LMX1A: variants seen among roughly 807,000 people sequenced by gnomAD.
LMX1A encodes the protein LIM homeobox transcription factor 1-alpha.
A neutral mutation model predicts 49.1 loss-of-function variants in LMX1A; 15 were observed. The observed-to-expected ratio is 0.31, with a 90% CI of 0.20 to 0.47. The LOEUF (loss-of-function observed/expected upper bound fraction) is 0.47, where lower values mean the gene tolerates loss of function less well. Ranked by LOEUF, LMX1A falls within the 20% of genes least tolerant of loss-of-function variation. The pLI, the probability that LMX1A is intolerant of heterozygous loss-of-function variation, is 1.00. For missense variants in LMX1A, 372 were observed against 475.8 expected (o/e 0.78, Z 2.03); for synonymous variants, 167 against 185.7 (o/e 0.90, Z 0.82).
At chr1:165,246,336 G>C (rs184253422) in intron 4 of LMX1A, among the ~76,000 whole-genome samples, 48 of 152,272 alleles carry the variant, frequency 3.2e-4, no homozygotes, top group Non-Finnish European at 8.8e-5. Context: ...TTGATGAAAT[G>C]AGTAGTTCAG....
At chr1:165,286,554 T>C (rs1253447966) in intron 3 of LMX1A, among the ~76,000 whole-genome samples, 2 of 152,114 alleles carry the variant, frequency 1.3e-5, no homozygotes. Flanking sequence ...TTCCCCTGAT[T>C]TGGTAAAAAT....
chr1:165,236,072 C>T (rs181840333), intron 4 of LMX1A, among the ~76,000 whole-genome samples: 106 of 152,320 alleles, frequency 7.0e-4, no homozygotes, highest in Non-Finnish European at 1.4e-3. Context: ...CGCCCCCAGC[C>T]TGAGCGCTGA....
At chr1:165,219,381 A>T (rs935811412) in intron 4 of LMX1A, among the ~76,000 whole-genome samples, 1 of 152,168 alleles carries the variant, frequency 6.6e-6, no homozygotes, top group Non-Finnish European at 1.5e-5. Flanking sequence ...TTCCCCAGAG[A>T]TGAGCCTCAT....
chr1:165,252,647 G>A (rs947695898), intron 3 of LMX1A, among the ~76,000 whole-genome samples: 5 of 152,124 alleles, frequency 3.3e-5, no homozygotes, highest in Admixed American at 6.5e-5. Context: ...CAGTAGATAC[G>A]GAAAGGTCAG....
At chr1:165,276,213 T>A (rs1557871004) in intron 3 of LMX1A, among the ~76,000 whole-genome samples, 1 of 152,150 alleles carries the variant, frequency 6.6e-6, no homozygotes, top group Non-Finnish European at 1.5e-5. Context: ...TGGCAAAGCT[T>A]CTCTACCTTT....
At chr1:165,234,861 T>G (rs1259451499) in intron 4 of LMX1A, among the ~76,000 whole-genome samples, 3 of 152,230 alleles carry the variant, frequency 2.0e-5, no homozygotes, top group Admixed American at 6.5e-5. Flanking sequence ...TTTCATGGTA[T>G]AGAGAGTAGG....
chr1:165,230,959 C>T (rs954204568), intron 4 of LMX1A, among the ~76,000 whole-genome samples: 2 of 152,224 alleles, frequency 1.3e-5, no homozygotes, highest in Non-Finnish European at 2.9e-5. Flanking sequence ...TCATTAACTC[C>T]ATGCACTCAA....
chr1:165,294,083 T>C (rs1042244421), intron 3 of LMX1A, among the ~76,000 whole-genome samples: 1 of 152,178 alleles, frequency 6.6e-6, no homozygotes, highest in Non-Finnish European at 1.5e-5. Flanking sequence ...CTTACACACC[T>C]TGTGCAAGGT....
chr1:165,241,814 C>G (rs1652666357), intron 4 of LMX1A, among the ~76,000 whole-genome samples: 1 of 152,040 alleles, frequency 6.6e-6, no homozygotes, highest in Non-Finnish European at 1.5e-5. Context: ...TTGAAAAAAA[C>G]AGTTCCAAGG....
At chr1:165,205,008 T>C (rs995706855) in intron 8 of LMX1A, among the ~76,000 whole-genome samples, 2 of 151,890 alleles carry the variant, frequency 1.3e-5, no homozygotes, top group African/African-American at 4.8e-5. Context: ...TTTTTTTTCA[T>C]GAAGGCAAAA....
intron 5 of LMX1A, among the ~76,000 whole-genome samples, chr1:165,211,761 C>T (rs1651407656): frequency 6.6e-6 from 1 of 152,178 alleles, no homozygotes; most frequent in African/African-American, 2.4e-5. Context: ...CTATCCATTC[C>T]TCAGAGGCCC....
chr1:165,252,526 T>A (rs1194393593), intron 3 of LMX1A, among the ~76,000 whole-genome samples: 1 of 152,258 alleles, frequency 6.6e-6, no homozygotes, highest in Non-Finnish European at 1.5e-5. Flanking sequence ...ACTATAGCAT[T>A]CATTTTACTA....
At chr1:165,243,176 T>C (rs1219633748) in intron 4 of LMX1A, among the ~76,000 whole-genome samples, 1 of 152,246 alleles carries the variant, frequency 6.6e-6, no homozygotes, top group Non-Finnish European at 1.5e-5. Flanking sequence ...CTGTCCTATT[T>C]TGCAACTGTT....
At chr1:165,311,289 C>T (rs1342281883) in intron 3 of LMX1A, among the ~76,000 whole-genome samples, 1 of 152,174 alleles carries the variant, frequency 6.6e-6, no homozygotes, top group African/African-American at 2.4e-5. Flanking sequence ...GAAAAATGAT[C>T]TCCCATCTGT....
chr1:165,256,660 C>T (rs1423114355), intron 3 of LMX1A, among the ~76,000 whole-genome samples: 2 of 152,062 alleles, frequency 1.3e-5, no homozygotes, highest in Non-Finnish European at 2.9e-5. Context: ...ACATTTTGCT[C>T]CTAAGGCAGG....
rs200538893 is a variant in LMX1A at position 165,353,059 on chromosome 1, G to C, written c.263+17C>G. On this transcript the variant is annotated intron_variant, in intron 3 of 8. Transcript: ENST00000342310. The stretch of plus-strand genomic sequence containing the variant: ...ATGCCAGTGCGCGGGGAGCGCTGCG[G>C]GGGTGCGGCCACTTACTTCTCGTAG... 6 of 1,613,136 alleles carry C rather than the reference G, an allele frequency of 3.7e-6. No homozygotes were observed. The highest frequency in any genetic ancestry group is 5.1e-6 in the Non-Finnish European group (6 of 1,179,444).
intron 3 of LMX1A, among the ~76,000 whole-genome samples, chr1:165,294,456 C>T (rs1189572646): frequency 6.6e-6 from 1 of 152,220 alleles, no homozygotes; most frequent in African/African-American, 2.4e-5. Flanking sequence ...ACACTTAGCT[C>T]CTGCTGATGG....
chr1:165,245,748 A>G (rs1336219251), intron 4 of LMX1A, among the ~76,000 whole-genome samples: 2 of 152,078 alleles, frequency 1.3e-5, no homozygotes, highest in East Asian at 3.9e-4. Flanking sequence ...CCCATGTGGA[A>G]TTCCCTCAAA....
chr1:165,315,410 T>A (rs954521140), intron 3 of LMX1A, among the ~76,000 whole-genome samples: 16 of 152,200 alleles, frequency 1.1e-4, no homozygotes, highest in African/African-American at 3.9e-4. Flanking sequence ...GCCCAGCACA[T>A]CAGCACAGGA....
Sources: gnomAD v4.1 joint callset for allele counts (sites outside exome capture counted in the v4.1 genomes callset) on GRCh38, gnomAD v4.1.1 for gene constraint, MANE v1.5 for transcripts, NCBI Gene and HGNC (gene_info 2026-07-23, HGNC 2026-07-21) for gene names.